Variants in SERAC1 observed in about 807,000 individuals in gnomAD.
SERAC1 encodes the protein protein SERAC1.
SERAC1 carries 36 observed loss-of-function variants against 85.7 expected under a neutral mutation model. That is an observed-to-expected ratio of 0.42 (90% CI 0.32 to 0.55). SERAC1 has a LOEUF of 0.55. SERAC1 is among the 20% of genes least tolerant of loss of function. The pLI is 0.11. For synonymous variants in SERAC1, 242 were observed against 265.3 expected, an observed-to-expected ratio of 0.91 and a Z score of 0.85; for missense variants, 629 against 796.2, an observed-to-expected ratio of 0.79 and a Z score of 2.53.
intron 9 of SERAC1, 24 bp from the exon 10 acceptor site, chr6:158,128,294 C>T (rs1245289764): frequency 1.9e-6 from 3 of 1,611,512 alleles, no homozygotes; most frequent in Non-Finnish European, 2.5e-6. Context: ...TAAACAGAAG[C>T]TCCCTTGACA....
At chr6:158,135,634 T>C (rs556043014) in intron 8 of SERAC1, among the ~76,000 whole-genome samples, 89 of 152,330 alleles carry the variant, frequency 5.8e-4, no homozygotes, top group Non-Finnish European at 1.1e-3. Context: ...TCTGAATCGA[T>C]AACTGTACTG....
chr6:158,127,252 C>T (rs867840807), intron 10 of SERAC1, among the ~76,000 whole-genome samples: 1 of 12,058 alleles, frequency 8.3e-5, no homozygotes, highest in Non-Finnish European at 1.7e-4. Flanking sequence ...GAACATATCT[C>T]GGCCCCCCCG....
intron 6 of SERAC1, 37 bp from the exon 7 acceptor site, chr6:158,144,457 C>CTAGCTGACAGATGTCATAAAGAT: frequency 6.5e-7 from 1 of 1,532,124 alleles, no homozygotes; most frequent in East Asian, 2.3e-5. Flanking sequence ...AATACCAAAA[C>CTAGCTGACAGATGTCATAAAGAT]TAGCTGACAG....
chr6:158,116,532 C>G (rs764417778), intron 13 of SERAC1: 28 of 422,464 alleles, frequency 6.6e-5, no homozygotes, highest in Non-Finnish European at 1.1e-4. Context: ...GCCACCACGC[C>G]TGGGATCTCT....
chr6:158,143,556 A>C (rs1005936617), intron 7 of SERAC1, among the ~76,000 whole-genome samples: 1 of 152,058 alleles, frequency 6.6e-6, no homozygotes, highest in Non-Finnish European at 1.5e-5. Flanking sequence ...TTAACTCTCA[A>C]TGTTCATCTG....
At chr6:158,167,304 C>T (rs1018219611) in intron 1 of SERAC1, among the ~76,000 whole-genome samples, 18 of 148,752 alleles carry the variant, frequency 1.2e-4, no homozygotes, top group Non-Finnish European at 2.4e-4. Context: ...TCTGGGAGGC[C>T]GAGGCGGGGG....
chr6:158,149,406 G>A (rs1785152631), intron 4 of SERAC1, among the ~76,000 whole-genome samples: 1 of 152,064 alleles, frequency 6.6e-6, no homozygotes, highest in African/African-American at 2.4e-5. Context: ...TGTCACTATC[G>A]ATGCAACTAA....
intron 5 of SERAC1, among the ~76,000 whole-genome samples, chr6:158,147,410 A>G (rs9365929): frequency 0.43 from 64,989 of 151,350 alleles, 14,851 homozygotes; most frequent in Admixed American, 0.6. Flanking sequence ...GGTCATTTTT[A>G]AAATCTTTTT....
chr6:158,119,205 T>C lies in SERAC1; in HGVS notation c.1167-35A>G. On this transcript the variant is annotated intron_variant, in intron 11 of 16. Coordinates refer to ENST00000647468, the MANE Select transcript of SERAC1 (RefSeq NM_032861.4). The surrounding 1 kb of genome is among the most constrained non-coding windows in gnomAD (Gnocchi z 4.5). ...GAGAGAGTTTTAAAAAGAAGCAGAA[T>C]AAATGCATTACTGCTTTGGTAAGAA... 6.3e-7 allele frequency: 1 copy of C among 1,577,858 alleles called. No homozygotes were observed. The highest frequency in any genetic ancestry group is 2.3e-5 in the East Asian group (1 of 43,450).
intron 5 of SERAC1, among the ~76,000 whole-genome samples, chr6:158,147,269 G>A (rs961439475): frequency 6.6e-6 from 1 of 151,414 alleles, no homozygotes; most frequent in Non-Finnish European, 1.5e-5. Flanking sequence ...CTCCTGAGTA[G>A]CTGAGATCAC....
rs370591885 is a variant in SERAC1, at chr6:158,116,203, T to G, written c.1483A>C (p.Ile495Leu). ...CACTTACCTCCCATGCTATGTGATA[T>G]CCAAACCACTGGCCTATCCCCAACA... Reference protein sequence around the residue: ...AGVGDRPVVWISHSMGGLLVK... With the variant: ...AGVGDRPVVWLSHSMGGLLVK... The change falls in exon 14 of 17, where the codon ATA becomes CTA. Residue 495 changes from isoleucine to leucine, a missense_variant. Coordinates refer to ENST00000647468, the MANE Select transcript of SERAC1 (RefSeq NM_032861.4). 2.3e-4 allele frequency: 375 copies of G among 1,613,936 alleles called. No homozygotes were observed. The highest frequency in any genetic ancestry group is 2.8e-4 in the Non-Finnish European group (334 of 1,179,946).
In SERAC1 at chr6:158,130,479, A is replaced by G. The variant is rs1334826503; in HGVS notation, c.746T>C (p.Leu249Ser). ...AAGTCCATTTCCTCCAAAACACCAT[A>G]AACCACCCTGAAATTAAAATAATTA... ...SQSLAAQKGG[L>S]WCFGGNGLPY... The change falls in exon 9 of 17, where the codon TTA becomes TCA. Residue 249 changes from leucine (L) to serine (S), a missense_variant. Transcript: ENST00000647468. The G allele has an allele frequency of 3.2e-6, 5 of 1,566,958 alleles. No homozygotes were observed. The highest frequency in any genetic ancestry group is 1.4e-5 in the African/African-American group (1 of 72,614).
intron 14 of SERAC1, 36 bp from the exon 15 acceptor site, chr6:158,115,007 C>G: frequency 6.3e-7 from 1 of 1,574,874 alleles, no homozygotes; most frequent in Admixed American, 1.9e-5. Context: ...AATGCATAAG[C>G]TATTTTCCTT....
chr6:158,153,446 A>G lies in SERAC1; in HGVS notation c.128+1869T>C, dbSNP rs939358319. On this transcript the variant is annotated intron_variant, in intron 3 of 16. Coordinates refer to ENST00000647468, the MANE Select transcript of SERAC1 (RefSeq NM_032861.4). ...TATACATCTGTACTGTGCATACAGT[A>G]CGTGTTCCTCTATCTACACGTACAG... Among the ~76,000 whole-genome samples the G allele has an allele frequency of 4.0e-5, 6 of 149,998 alleles. No homozygotes were observed. The East Asian group carries it at 1.0e-3, about 25-fold the overall frequency.
chr6:158,122,512 TG>T (rs1736894602), intron 10 of SERAC1, among the ~76,000 whole-genome samples: 1 of 152,204 alleles, frequency 6.6e-6, no homozygotes, highest in African/African-American at 2.4e-5. Flanking sequence ...CCAGGCGTGG[TG>T]TTTCATGCCT....
At chr6:158,121,094 A>G (rs937816062) in intron 10 of SERAC1, among the ~76,000 whole-genome samples, 2 of 152,246 alleles carry the variant, frequency 1.3e-5, no homozygotes, top group African/African-American at 4.8e-5. Flanking sequence ...GGAGGCAAAC[A>G]GAAAATGCAT....
At chr6:158,121,762 T>C (rs1207077939) in intron 10 of SERAC1, among the ~76,000 whole-genome samples, 1 of 152,162 alleles carries the variant, frequency 6.6e-6, no homozygotes, top group African/African-American at 2.4e-5. Context: ...GATAGACAAG[T>C]ATGTTATTGG....
intron 16 of SERAC1, 27 bp from the exon 17 acceptor site, chr6:158,111,529 C>T (rs779801675): frequency 4.5e-6 from 7 of 1,544,580 alleles, no homozygotes; most frequent in Admixed American, 4.1e-5. Context: ...AGTCAATAAA[C>T]CTAAGTAAAA....
At chr6:158,165,297 A>ACTACTTG (rs1785572271) in intron 1 of SERAC1, among the ~76,000 whole-genome samples, 1 of 152,186 alleles carries the variant, frequency 6.6e-6, no homozygotes, top group East Asian at 1.9e-4. Flanking sequence ...CTGGGACTAC[A>ACTACTTG]GGCGGCTGCC....
Sources: gnomAD v4.1 joint callset for allele counts (sites outside exome capture counted in the v4.1 genomes callset) on GRCh38, gnomAD v4.1.1 for gene constraint, Gnocchi (gnomAD v3.1) non-coding constraint, MANE v1.5 for transcripts, NCBI Gene and HGNC (gene_info 2026-07-23, HGNC 2026-07-21) for gene names.